The following EXOC4 variants were observed in gnomAD, a reference collection of about 807,000 sequenced individuals.
EXOC4 encodes SEC8-like 1.
In EXOC4, 71 loss-of-function variants were observed where a neutral mutation model predicts 107.2. The ratio of observed to expected loss-of-function variants is 0.66; its 90% CI spans 0.55 to 0.81. The LOEUF is 0.81. Among genes scored for constraint, EXOC4 ranks in the 30% least tolerant of loss-of-function variants. EXOC4 has a pLI of 0.00. For missense variants in EXOC4, 1,108 were observed against 1,189.6 expected, an observed-to-expected ratio of 0.93 and a Z score of 1.01; for synonymous variants, 456 against 441.2, an observed-to-expected ratio of 1.03 and a Z score of -0.42.
intron 12 of EXOC4, among the ~76,000 whole-genome samples, chr7:133,911,895 T>A (rs1799704088): frequency 6.6e-6 from 1 of 152,192 alleles, no homozygotes. Flanking sequence ...GCCAAGATTC[T>A]TTCTAGATAT....
intron 5 of EXOC4, among the ~76,000 whole-genome samples, chr7:133,332,412 C>T (rs187870629): frequency 1.3e-5 from 2 of 152,172 alleles, no homozygotes; most frequent in South Asian, 2.1e-4. Context: ...GGGCAGATCA[C>T]GAGGTCAGGA....
intron 10 of EXOC4, among the ~76,000 whole-genome samples, chr7:133,632,901 A>G: frequency 6.6e-6 from 1 of 152,014 alleles, no homozygotes; most frequent in Non-Finnish European, 1.5e-5. Flanking sequence ...TGTTATTTGA[A>G]AGATAGTGTA....
At chr7:133,396,122 T>A (rs1796966178) in intron 7 of EXOC4, 1 of 152,152 alleles carries the variant, frequency 6.6e-6, no homozygotes, top group Non-Finnish European at 1.5e-5. Flanking sequence ...TAGTGCTGTA[T>A]CCCAGATCTC....
intron 9 of EXOC4, among the ~76,000 whole-genome samples, chr7:133,512,182 C>T (rs1335780568): frequency 6.6e-6 from 1 of 152,198 alleles, no homozygotes; most frequent in African/African-American, 2.4e-5. Context: ...GTAATCCCAG[C>T]ACTTTGGGAG....
chr7:133,474,951 C>G (rs1798975879), intron 7 of EXOC4, among the ~76,000 whole-genome samples: 1 of 152,000 alleles, frequency 6.6e-6, no homozygotes, highest in African/African-American at 2.4e-5. Context: ...CATAGTAAGC[C>G]CTCAGTAAAT....
chr7:133,918,439 G>T (rs1051386862), intron 13 of EXOC4, among the ~76,000 whole-genome samples: 1 of 152,166 alleles, frequency 6.6e-6, no homozygotes, highest in Non-Finnish European at 1.5e-5. Flanking sequence ...ATATGTTTCT[G>T]TCCATACAGA....
intron 9 of EXOC4, among the ~76,000 whole-genome samples, chr7:133,510,388 A>G (rs569875509): frequency 6.6e-6 from 1 of 152,306 alleles, no homozygotes; most frequent in South Asian, 2.1e-4. Context: ...ATTGGGTTGC[A>G]TCCACTTTTC....
intron 9 of EXOC4, among the ~76,000 whole-genome samples, chr7:133,499,775 C>A (rs1490214616): frequency 6.6e-6 from 1 of 152,064 alleles, no homozygotes; most frequent in Non-Finnish European, 1.5e-5. Flanking sequence ...TTCTCTTGCT[C>A]ATGCCATGTA....
rs113651089 is a variant in EXOC4 at position 133,317,278 on chromosome 7, G to A, written c.657-6G>A. ...AGTGGTAACTAGTGCTTCTTTTCCCGTTCAGCTCCCTCGTGAAAGATGCTT... is the reference window on the plus strand; with the variant it reads ...AGTGGTAACTAGTGCTTCTTTTCCCATTCAGCTCCCTCGTGAAAGATGCTT... On this transcript the variant is annotated splice_region_variant and splice_polypyrimidine_tract_variant and intron_variant, in intron 4 of 17. Coordinates refer to ENST00000253861, the MANE Select transcript of EXOC4 (RefSeq NM_021807.4). The A allele has an allele frequency of 4.1e-5, 66 of 1,605,572 alleles. 1 individual carries two copies. In the Middle Eastern group the frequency reaches 2.0e-3, roughly 48 times the overall value.
chr7:133,336,442 A>G (rs1326362476), intron 5 of EXOC4, among the ~76,000 whole-genome samples: 2 of 152,156 alleles, frequency 1.3e-5, no homozygotes, highest in African/African-American at 4.8e-5. Context: ...AAGTAGTACC[A>G]GTCTGCATTC....
intron 9 of EXOC4, among the ~76,000 whole-genome samples, chr7:133,560,640 A>G (rs957369674): frequency 1.3e-5 from 2 of 152,094 alleles, no homozygotes; most frequent in African/African-American, 4.8e-5. Flanking sequence ...TCTTTCTTTT[A>G]TGGTAAAGTG....
chr7:133,996,811 G>A (rs1409130423), intron 14 of EXOC4, among the ~76,000 whole-genome samples: 1 of 152,140 alleles, frequency 6.6e-6, no homozygotes, highest in Non-Finnish European at 1.5e-5. Flanking sequence ...GAATGTTTTG[G>A]TAGGTAAATT....
At chr7:133,551,097 C>T in intron 9 of EXOC4, among the ~76,000 whole-genome samples, 1 of 152,068 alleles carries the variant, frequency 6.6e-6, no homozygotes, top group East Asian at 1.9e-4. Context: ...CAGTACCCTG[C>T]CGTGTATTTC....
Position 133,289,077 on chromosome 7 carries a change from C to T in EXOC4, c.432C>T (p.Cys144=). 6.2e-7 allele frequency: 1 copy of T among 1,614,156 alleles called. No individual in the cohort carries two copies. The highest frequency in any genetic ancestry group is 8.5e-7 in the Non-Finnish European group (1 of 1,180,004). Reference sequence around the variant, plus strand: ...AAGTGCCTCAAAAGCTGGAACAGTGCATGGCCAGCAAGCACTATCTCAGTG... The same window carrying T: ...AAGTGCCTCAAAAGCTGGAACAGTGTATGGCCAGCAAGCACTATCTCAGTG... ...IKQVPQKLEQ[C]MASKHYLSAT... The change falls in exon 3 of 18, where the codon TGC becomes TGT. Residue 144 remains cysteine (C), a synonymous_variant. Transcript: ENST00000253861.
intron 3 of EXOC4, among the ~76,000 whole-genome samples, chr7:133,301,168 G>A (rs1210318985): frequency 2.0e-5 from 3 of 152,192 alleles, no homozygotes; most frequent in Non-Finnish European, 4.4e-5. Flanking sequence ...AGGGGAGCAG[G>A]CCCTAAAACC....
At chr7:133,528,631 T>C (rs976604604) in intron 9 of EXOC4, among the ~76,000 whole-genome samples, 1 of 152,046 alleles carries the variant, frequency 6.6e-6, no homozygotes, top group Non-Finnish European at 1.5e-5. Flanking sequence ...CCAGGACATG[T>C]GAAAGTGCTC....
Position 133,763,049 on chromosome 7 carries a change from T to C in EXOC4, c.1515-54276T>C, listed in dbSNP as rs974927683. Among the ~76,000 whole-genome samples, 3 of 152,174 alleles carry C rather than the reference T, an allele frequency of 2.0e-5. No individual in the cohort carries two copies. In the South Asian group the frequency reaches 6.2e-4, roughly 31 times the overall value. On this transcript the variant is annotated intron_variant, in intron 10 of 17. Coordinates refer to ENST00000253861, the MANE Select transcript of EXOC4 (RefSeq NM_021807.4). ...GCATGTTCACATGAAAACATGCACA[T>C]AATGCGTTTCTAACAAGTTCCCAAA...
intron 9 of EXOC4, among the ~76,000 whole-genome samples, chr7:133,556,068 G>C (rs769649155): frequency 5.3e-5 from 8 of 152,148 alleles, no homozygotes; most frequent in Non-Finnish European, 8.8e-5. Context: ...CACTAAACCT[G>C]TTCTCTCCTA....
intron 10 of EXOC4, among the ~76,000 whole-genome samples, chr7:133,715,098 G>A (rs994421129): frequency 6.6e-6 from 1 of 152,144 alleles, no homozygotes; most frequent in African/African-American, 2.4e-5. Flanking sequence ...AAATAAAGGA[G>A]GCTAGACAGC....
Sources: gnomAD v4.1 joint callset for allele counts (sites outside exome capture counted in the v4.1 genomes callset) on GRCh38, gnomAD v4.1.1 for gene constraint, MANE v1.5 for transcripts, NCBI Gene and HGNC (gene_info 2026-07-23, HGNC 2026-07-21) for gene names.